The following TSHZ2 variants were observed in gnomAD, a reference collection of about 807,000 sequenced individuals.
The protein encoded by TSHZ2 is teashirt zinc finger homeobox 2.
In TSHZ2, 21 loss-of-function variants were observed where a neutral mutation model predicts 74.4. The ratio of observed to expected loss-of-function variants is 0.28; its 90% CI spans 0.20 to 0.41. The LOEUF (loss-of-function observed/expected upper bound fraction) is 0.41, where lower values mean the gene tolerates loss of function less well. TSHZ2 is among the 10% of genes least tolerant of loss of function. The probability of loss-of-function intolerance (pLI) is 1.00; values close to 1 mark genes in which losing one functional copy is unlikely to be tolerated. For synonymous variants in TSHZ2, 540 were observed against 515.3 expected, an observed-to-expected ratio of 1.05 and a Z score of -0.65; for missense variants, 1,244 against 1,293.5, an observed-to-expected ratio of 0.96 and a Z score of 0.59.
intron 2 of TSHZ2, among the ~76,000 whole-genome samples, chr20:53,333,534 C>T (rs558383678): frequency 6.6e-6 from 1 of 152,114 alleles, no homozygotes; most frequent in African/African-American, 2.4e-5. Context: ...CAGCTCACTG[C>T]AAGCTCCGCC....
intron 1 of TSHZ2, among the ~76,000 whole-genome samples, chr20:53,196,777 C>A (rs1988881419): frequency 6.6e-6 from 1 of 152,202 alleles, no homozygotes; most frequent in South Asian, 2.1e-4. Flanking sequence ...AGGTATTCAA[C>A]TCTGAGTGGT....
intron 1 of TSHZ2, among the ~76,000 whole-genome samples, chr20:52,991,314 T>C (rs60129989): frequency 7.9e-5 from 11 of 139,060 alleles, no homozygotes; most frequent in Non-Finnish European, 7.7e-5. Flanking sequence ...TTGTGGGTAT[T>C]AGTGTGTGTT....
chr20:53,191,816 A>T (rs1988743333), intron 1 of TSHZ2, among the ~76,000 whole-genome samples: 1 of 152,230 alleles, frequency 6.6e-6, no homozygotes, highest in Non-Finnish European at 1.5e-5. Flanking sequence ...CAAAGAGATG[A>T]CATATGTTAA....
At chr20:53,430,596 G>A (rs868600991) in intron 2 of TSHZ2, among the ~76,000 whole-genome samples, 6 of 151,990 alleles carry the variant, frequency 3.9e-5, no homozygotes, top group African/African-American at 7.2e-5. Flanking sequence ...TTGGGAGGCC[G>A]AGGTGGGAGG....
chr20:53,154,874 C>T (rs761840426), intron 1 of TSHZ2, among the ~76,000 whole-genome samples: 1 of 152,034 alleles, frequency 6.6e-6, no homozygotes, highest in Non-Finnish European at 1.5e-5. Context: ...TTTGCTTATG[C>T]CATCATCATT....
intron 2 of TSHZ2, among the ~76,000 whole-genome samples, chr20:53,461,125 C>T (rs1304734268): frequency 1.3e-5 from 2 of 150,824 alleles, no homozygotes; most frequent in Admixed American, 6.6e-5. Context: ...CAATGGCGGG[C>T]GCCCCTCCCC....
At position 53,255,907 on chromosome 20, in the gene TSHZ2, C is replaced by A. The variant is rs1025971779; in HGVS notation, c.2449C>A (p.Pro817Thr). The stretch of plus-strand genomic sequence containing the variant: ...AAAGCCAGCCTCCTCCTCCAGGGTC[C>A]CCCCCATGAAGCTGGAAATGGATGT... ...TPKPASSSRVPPMKLEMDVRR... is the reference protein window; with the variant it reads ...TPKPASSSRVTPMKLEMDVRR... The change falls in exon 2 of 3, where the codon CCC (proline) becomes ACC (threonine). Residue 817 changes from proline (P) to threonine (T), a missense_variant. Coordinates refer to ENST00000371497, the MANE Select transcript of TSHZ2 (RefSeq NM_173485.6). The surrounding 1 kb of genome is among the most constrained non-coding windows in gnomAD (Gnocchi z 4.1). 1 of 1,614,084 alleles carries A rather than the reference C, an allele frequency of 6.2e-7. No homozygotes were observed. The highest frequency in any genetic ancestry group is 8.5e-7 in the Non-Finnish European group (1 of 1,179,980).
intron 2 of TSHZ2, chr20:53,399,504 G>GA (rs1315190186): frequency 6.6e-6 from 1 of 152,192 alleles, no homozygotes; most frequent in Admixed American, 6.5e-5. Context: ...AAACTTAGAG[G>GA]AAGGCTTGGT....
intron 2 of TSHZ2, among the ~76,000 whole-genome samples, chr20:53,291,281 G>A (rs576388820): frequency 7.2e-5 from 11 of 152,134 alleles, no homozygotes; most frequent in African/African-American, 1.7e-4. Flanking sequence ...AGACCAGCCC[G>A]GCCAACATGG....
At chr20:53,316,484 T>C (rs1235303333) in intron 2 of TSHZ2, among the ~76,000 whole-genome samples, 2 of 151,864 alleles carry the variant, frequency 1.3e-5, no homozygotes, top group Admixed American at 6.6e-5. Flanking sequence ...GGGGCTGTGG[T>C]GAGGTTAAAT....
intron 2 of TSHZ2, among the ~76,000 whole-genome samples, chr20:53,260,741 A>T (rs1479233599): frequency 6.6e-6 from 1 of 152,218 alleles, no homozygotes; most frequent in Non-Finnish European, 1.5e-5. Flanking sequence ...TTTTCCTTAA[A>T]GCCCATAGTA....
rs770165385 is a variant in TSHZ2 at position 53,131,828 on chromosome 20, CCCCCCCA to C, written c.41-121670_41-121664del. Among the ~76,000 whole-genome samples, 69 of 137,888 alleles carry C rather than the reference CCCCCCCA, an allele frequency of 5.0e-4. No homozygotes were observed. In the Middle Eastern group the frequency reaches 0.011, roughly 22 times the overall value. 90.5% of individuals were successfully genotyped at this position (137,888 alleles called of 152,430 possible). On this transcript the variant is annotated intron_variant, in intron 1 of 2. Coordinates refer to ENST00000371497, the MANE Select transcript of TSHZ2 (RefSeq NM_173485.6). ...TTGCACTTGAATGACAACCCCCCCC[CCCCCCCA>C]AAAAAAAAAAGCCACACTAGCAATC...
chr20:53,254,941 A>G lies in TSHZ2; in HGVS notation c.1483A>G (p.Thr495Ala), dbSNP rs755926939. The G allele has an allele frequency of 1.2e-6, 2 of 1,613,936 alleles. No individual in the cohort carries two copies. Among genetic ancestry groups the G allele is most frequent in the East Asian group, 2.2e-5 (1 of 44,886 alleles). The change falls in exon 2 of 3, where the codon ACA becomes GCA. Residue 495 changes from threonine to alanine, a missense_variant. Around this residue, in one of 6 missense-constraint regions of TSHZ2, gnomAD observed 562 missense variants for 544.0 expected, o/e 1.03. Coordinates refer to ENST00000371497, the MANE Select transcript of TSHZ2 (RefSeq NM_173485.6). The part of the protein sequence containing the change: ...EDPLQKPLDP[T>A]IKYQYLREED... ...TCCTCTACAAAAACCTTTAGACCCT[A>G]CAATCAAATATCAATACCTAAGGGA...
intron 1 of TSHZ2, among the ~76,000 whole-genome samples, chr20:53,133,134 C>T (rs1490267583): frequency 1.3e-5 from 2 of 152,152 alleles, no homozygotes; most frequent in Non-Finnish European, 2.9e-5. Context: ...TGACAGGTGG[C>T]CACTCTTTGA....
intron 2 of TSHZ2, among the ~76,000 whole-genome samples, chr20:53,462,419 C>T (rs564344523): frequency 7.9e-5 from 12 of 152,284 alleles, no homozygotes; most frequent in Admixed American, 2.6e-4. Context: ...TGTAAGAATT[C>T]GGTGGGGACA....
intron 1 of TSHZ2, among the ~76,000 whole-genome samples, chr20:53,160,744 C>CAAAAAAAAAAAAAAAAAAAA (rs1762991150): frequency 1.3e-4 from 9 of 69,102 alleles, no homozygotes; most frequent in African/African-American, 8.5e-4. Flanking sequence ...GACTCTGTCT[C>CAAAAAAAAAAAAAAAAAAAA]CAAAAAAAAA....
chr20:53,367,123 T>C (rs1364783268), intron 2 of TSHZ2, among the ~76,000 whole-genome samples: 2 of 151,982 alleles, frequency 1.3e-5, no homozygotes, highest in Non-Finnish European at 2.9e-5. Context: ...CAGCCGGGCG[T>C]GGTGACTCAT....
intron 1 of TSHZ2, among the ~76,000 whole-genome samples, chr20:53,238,836 T>TAAA (rs746136673): frequency 1.6e-3 from 103 of 65,956 alleles, no homozygotes; most frequent in East Asian, 7.0e-3. Context: ...ATCTTATATC[T>TAAA]AAAAAAAAAA....
intron 1 of TSHZ2, among the ~76,000 whole-genome samples, chr20:53,096,344 T>C (rs1432028855): frequency 6.6e-6 from 1 of 152,080 alleles, no homozygotes; most frequent in East Asian, 1.9e-4. Context: ...GGTTTCACCA[T>C]GTCGGCCAAG....
Sources: gnomAD v4.1 joint callset for allele counts (sites outside exome capture counted in the v4.1 genomes callset) on GRCh38, gnomAD v4.1.1 for gene constraint, gnomAD v4.1.1 regional missense constraint, Gnocchi (gnomAD v3.1) non-coding constraint, MANE v1.5 for transcripts, NCBI Gene and HGNC (gene_info 2026-07-23, HGNC 2026-07-21) for gene names.